The following AFF2 variants were observed in gnomAD, a reference collection of about 807,000 sequenced individuals.
The protein encoded by AFF2 is ALF transcription elongation factor 2.
AFF2 carries 14 observed loss-of-function variants against 76.9 expected under a neutral mutation model. The ratio of observed to expected loss-of-function variants is 0.18; its 90% CI spans 0.12 to 0.28. The LOEUF (loss-of-function observed/expected upper bound fraction) is 0.28, where lower values mean the gene tolerates loss of function less well. Ranked by LOEUF, AFF2 falls within the 10% of genes least tolerant of loss-of-function variation. The pLI, the probability that AFF2 is intolerant of heterozygous loss-of-function variation, is 1.00. For synonymous variants in AFF2, 398 were observed against 366.7 expected (o/e 1.09, Z -0.98); for missense variants, 868 against 1,001.1 (o/e 0.87, Z 1.79).
chrX:148,906,887 C>A (rs2124215209), intron 9 of AFF2, among the ~76,000 whole-genome samples: 1 of 112,082 alleles, frequency 8.9e-6, no homozygotes, highest in South Asian at 3.8e-4. Context: ...CACTCCCGAT[C>A]AGGCTAAAGG....
chrX:148,775,094 A>G (rs1557268430), intron 3 of AFF2, among the ~76,000 whole-genome samples: 1 of 111,968 alleles, frequency 8.9e-6, no homozygotes, highest in Non-Finnish European at 1.9e-5. Flanking sequence ...CTCTTTCTTC[A>G]TTTAGATACG....
At chrX:148,748,255 A>C (rs2055449535) in intron 3 of AFF2, among the ~76,000 whole-genome samples, 1 of 112,259 alleles carries the variant, frequency 8.9e-6, no homozygotes, top group African/African-American at 3.2e-5. Context: ...TGTGTTTGTC[A>C]GCCTGTCAGA....
intron 1 of AFF2, among the ~76,000 whole-genome samples, chrX:148,610,457 C>T (rs1207288279): frequency 8.9e-6 from 1 of 111,896 alleles, no homozygotes; most frequent in Non-Finnish European, 1.9e-5. Flanking sequence ...TGAAGCAAAA[C>T]AGAAAACAAA....
At chrX:148,769,788 A>G (rs2069563952) in intron 3 of AFF2, among the ~76,000 whole-genome samples, 2 of 111,407 alleles carry the variant, frequency 1.8e-5, no homozygotes, top group Admixed American at 1.9e-4. Flanking sequence ...TTAACTTGAT[A>G]TTATATTTCA....
chrX:148,629,971 C>T (rs1312638231), intron 1 of AFF2, among the ~76,000 whole-genome samples: 1 of 111,553 alleles, frequency 9.0e-6, no homozygotes, highest in Non-Finnish European at 1.9e-5. Flanking sequence ...CGAGTCTTGT[C>T]TTTTTAAAGG....
intron 16 of AFF2, 67 bp downstream of exon 16, chrX:148,973,674 A>C (rs929766088): frequency 2.8e-6 from 3 of 1,055,139 alleles, no homozygotes; most frequent in Admixed American, 2.5e-5. Context: ...TATGTTTTAA[A>C]AAATGTATCA....
intron 1 of AFF2, among the ~76,000 whole-genome samples, chrX:148,583,017 A>G (rs1388223873): frequency 8.9e-6 from 1 of 112,165 alleles, no homozygotes; most frequent in African/African-American, 3.2e-5. Context: ...CACATATTGT[A>G]TGATTCCATT....
Position 148,501,160 on chromosome X carries a change from T to C in AFF2, c.47+16T>C, listed in dbSNP as rs782673472. ...AGCAGCAGTGGTAGGTGTTGATTTT[T>C]GCCTTCTCCTTTGATGAGCGAGTCT... is the stretch of plus-strand genomic sequence containing the variant. On this transcript the variant is annotated intron_variant, in intron 1 of 20. Transcript: ENST00000370460. The C allele has an allele frequency of 3.7e-5, 45 of 1,208,723 alleles. No homozygotes were observed. In the South Asian group the frequency reaches 7.6e-4, roughly 20 times the overall value.
At chrX:148,650,055 C>T (rs952441026) in intron 1 of AFF2, among the ~76,000 whole-genome samples, 5 of 111,456 alleles carry the variant, frequency 4.5e-5, no homozygotes, top group Non-Finnish European at 7.5e-5. Flanking sequence ...CAACCCTGCC[C>T]TCACTAAATA....
intron 1 of AFF2, among the ~76,000 whole-genome samples, chrX:148,548,661 C>T (rs1157799069): frequency 1.8e-5 from 2 of 111,744 alleles, no homozygotes; most frequent in African/African-American, 3.3e-5. Context: ...TCTCGAACTC[C>T]TGACCTCAAG....
chrX:148,685,608 C>T (rs1051562777), intron 3 of AFF2, among the ~76,000 whole-genome samples: 6 of 111,461 alleles, frequency 5.4e-5, no homozygotes, highest in Admixed American at 4.8e-4. Flanking sequence ...AATAGCTATT[C>T]TTATACATAA....
intron 3 of AFF2, among the ~76,000 whole-genome samples, chrX:148,684,115 C>T (rs997417150): frequency 8.1e-5 from 9 of 111,679 alleles, no homozygotes; most frequent in Non-Finnish European, 1.5e-4. Context: ...TTTAAAGTGT[C>T]GTCATTAGAG....
At chrX:148,622,210 A>G (rs1447346692) in intron 1 of AFF2, among the ~76,000 whole-genome samples, 1 of 112,035 alleles carries the variant, frequency 8.9e-6, no homozygotes, top group Non-Finnish European at 1.9e-5. Context: ...GAGCTGTAGT[A>G]GTCAGGGTCC....
chrX:148,650,318 G>A (rs1435318670), intron 1 of AFF2, among the ~76,000 whole-genome samples: 6 of 111,472 alleles, frequency 5.4e-5, no homozygotes, highest in Admixed American at 3.8e-4. Context: ...GAAAGATGAT[G>A]CTAGAAAATC....
intron 1 of AFF2, among the ~76,000 whole-genome samples, chrX:148,549,376 A>G (rs2052964681): frequency 8.9e-6 from 1 of 112,429 alleles, no homozygotes; most frequent in Non-Finnish European, 1.9e-5. Context: ...TACAGATGAA[A>G]TCAGTTTCTT....
chrX:148,533,913 A>G (rs782066951), intron 1 of AFF2, among the ~76,000 whole-genome samples: 130 of 112,045 alleles, frequency 1.2e-3, no homozygotes, highest in African/African-American at 4.1e-3. Context: ...TCTTAATAAT[A>G]AATGTTAAAT....
chrX:148,648,012 C>A (rs1435838940), intron 1 of AFF2, among the ~76,000 whole-genome samples: 1 of 111,502 alleles, frequency 9.0e-6, no homozygotes, highest in Non-Finnish European at 1.9e-5. Flanking sequence ...TTTTAATGAG[C>A]AAAATGAGAG....
rs782462797 is a variant in AFF2 at position 148,991,384 on chromosome X, C to T, written c.*52C>T. Reference sequence around the variant, plus strand: ...CGACCCATCACTCTACCTCTACCAGCGCACTGATGGTCACTGGTGGAACTC... The same window carrying T: ...CGACCCATCACTCTACCTCTACCAGTGCACTGATGGTCACTGGTGGAACTC... On this transcript the variant is annotated 3_prime_UTR_variant, in exon 21 of 21. Transcript: ENST00000370460. 19 of 1,121,306 alleles carry T rather than the reference C, an allele frequency of 1.7e-5. No homozygotes were observed. The highest frequency in any genetic ancestry group is 7.0e-5 in the South Asian group (3 of 42,644). The allele number at this position is 1,121,306 out of a possible 1,213,427, so 92.4% of individuals were successfully genotyped here. A position where few individuals can be genotyped will look rare whatever the true frequency, so the allele number is the denominator to read the frequency against.
intron 3 of AFF2, among the ~76,000 whole-genome samples, chrX:148,674,916 C>T (rs1159550159): frequency 2.7e-5 from 3 of 112,488 alleles, no homozygotes; most frequent in Admixed American, 9.4e-5. Context: ...AAAACAAGTC[C>T]TCTTGTATAG....
Sources: allele counts gnomAD v4.1 joint callset (sites outside exome capture counted in the v4.1 genomes callset), GRCh38; gene constraint gnomAD v4.1.1; transcripts MANE v1.5; gene names NCBI Gene and HGNC (gene_info 2026-07-23, HGNC 2026-07-21).